The following ZNF215 variants were observed in gnomAD, a reference collection of about 807,000 sequenced individuals.
ZNF215 encodes the protein BWSCR2-associated zinc finger protein 2.
ZNF215 carries 24 observed loss-of-function variants against 27.2 expected under a neutral mutation model. The ratio of observed to expected loss-of-function variants is 0.88; its 90% CI spans 0.64 to 1.24. The LOEUF (loss-of-function observed/expected upper bound fraction) is 1.24. ZNF215 is among the 50% of genes most tolerant of loss of function. The pLI, the probability that ZNF215 is intolerant of heterozygous loss-of-function variation, is 0.00. For synonymous variants in ZNF215, 210 were observed against 204.0 expected, an observed-to-expected ratio of 1.03 and a Z score of -0.25; for missense variants, 675 against 605.7, an observed-to-expected ratio of 1.11 and a Z score of -1.20.
chr11:6,983,329 A>G (rs902744863), intron 5 of ZNF215, among the ~76,000 whole-genome samples: 16 of 152,128 alleles, frequency 1.1e-4, no homozygotes, highest in African/African-American at 3.6e-4. Flanking sequence ...TACCAGAGGT[A>G]CAAGGAGGAA....
In ZNF215 at chr11:6,941,865, C is replaced by A. The variant is rs543225433; in HGVS notation, c.483+212C>A. Among the ~76,000 whole-genome samples the A allele has an allele frequency of 3.3e-5, 5 of 152,236 alleles. No individual in the cohort carries two copies. In the South Asian group the frequency reaches 1.0e-3, roughly 32 times the overall value. On this transcript the variant is annotated intron_variant, in intron 4 of 6. Transcript: ENST00000278319. ...ATCTGTTCCGTCAATAATATAGTTTCTATTTTATCTGTAGACACTATAGAT... is the reference window on the plus strand; with the variant it reads ...ATCTGTTCCGTCAATAATATAGTTTATATTTTATCTGTAGACACTATAGAT...
At chr11:6,993,067 CTTT>C (rs2133367748), downstream of ZNF215, among the ~76,000 whole-genome samples, 1 of 152,292 alleles carries the variant, frequency 6.6e-6, no homozygotes, top group South Asian at 2.1e-4. Flanking sequence ...CCACAGAAAA[CTTT>C]TTAAAAACAA....
intron 6 of ZNF215, among the ~76,000 whole-genome samples, chr11:6,947,912 C>T (rs79563740): frequency 3.9e-5 from 6 of 152,288 alleles, no homozygotes; most frequent in African/African-American, 1.4e-4. Flanking sequence ...TCTTATGGGC[C>T]AGAGCACCTG....
chr11:6,967,486 A>C (rs1366257925), intron 5 of ZNF215, among the ~76,000 whole-genome samples: 4 of 152,142 alleles, frequency 2.6e-5, no homozygotes, highest in African/African-American at 9.7e-5. Context: ...TGACTTTTTA[A>C]TGATTGCCAT....
chr11:6,991,115 C>G (rs1457293684), downstream of ZNF215, among the ~76,000 whole-genome samples: 1 of 152,192 alleles, frequency 6.6e-6, no homozygotes, highest in African/African-American at 2.4e-5. Flanking sequence ...TTCATCAACA[C>G]CCTGACTTTA....
At chr11:6,955,435 T>C (rs2239733) in intron 6 of ZNF215, among the ~76,000 whole-genome samples, 37,319 of 152,090 alleles carry the variant, frequency 0.25, 5,042 homozygotes, top group African/African-American at 0.36. Flanking sequence ...TCCTTGTTCA[T>C]GTAAAGATAT....
intron 5 of ZNF215, among the ~76,000 whole-genome samples, chr11:6,976,951 T>C (rs1423441985): frequency 6.6e-6 from 1 of 152,050 alleles, no homozygotes; most frequent in Non-Finnish European, 1.5e-5. Flanking sequence ...GTGCTGTCTC[T>C]AGAAGGTCTG....
intron 5 of ZNF215, among the ~76,000 whole-genome samples, chr11:6,970,551 G>A (rs113008333): frequency 1.6e-4 from 24 of 152,244 alleles, no homozygotes; most frequent in South Asian, 4.1e-4. Context: ...GTTTACGGGC[G>A]AAGTAATGCC....
At chr11:6,932,887 A>G (rs775532605) in intron 3 of ZNF215, among the ~76,000 whole-genome samples, 5 of 152,238 alleles carry the variant, frequency 3.3e-5, no homozygotes, top group Non-Finnish European at 7.3e-5. Flanking sequence ...TTTGCCAGTT[A>G]AAAATATTAT....
Position 6,932,260 on chromosome 11 carries a change from T to A in ZNF215, c.-13T>A. The A allele has an allele frequency of 6.2e-7, 1 of 1,609,684 alleles. No homozygotes were observed. The highest frequency in any genetic ancestry group is 1.3e-5 in the African/African-American group (1 of 74,730). On this transcript the variant is annotated 5_prime_UTR_variant, in exon 3 of 7. Transcript: ENST00000278319. ...GGCGGATTTGAACTACTGTGGGAGT[T>A]CTATTTAGGAAGATGCAGCCTCTGA...
At chr11:6,991,540 C>T (rs374695170), downstream of ZNF215, among the ~76,000 whole-genome samples, 50 of 152,368 alleles carry the variant, frequency 3.3e-4, no homozygotes, top group East Asian at 3.5e-3. Flanking sequence ...CCTACACACC[C>T]GCAACTGCTT....
chr11:6,950,556 T>A (rs1590064156), intron 6 of ZNF215, among the ~76,000 whole-genome samples: 2 of 151,856 alleles, frequency 1.3e-5, no homozygotes, highest in South Asian at 4.2e-4. Flanking sequence ...TGTATAAGAA[T>A]GCTTGTGATT....
At chr11:6,976,388 A>G (rs7948618) in intron 5 of ZNF215, among the ~76,000 whole-genome samples, 98,984 of 151,898 alleles carry the variant, frequency 0.65, 32,314 homozygotes, top group South Asian at 0.79. Context: ...TATGATGAAA[A>G]TAAGGGCACA....
downstream of ZNF215, among the ~76,000 whole-genome samples, chr11:6,992,044 G>A (rs769188770): frequency 7.2e-5 from 11 of 152,152 alleles, no homozygotes; most frequent in Non-Finnish European, 1.5e-4. Flanking sequence ...TTCATGAAGG[G>A]CTGGAAGTTT....
chr11:6,983,606 T>A (rs1851005072), intron 5 of ZNF215, among the ~76,000 whole-genome samples: 1 of 152,146 alleles, frequency 6.6e-6, no homozygotes, highest in South Asian at 2.1e-4. Context: ...ATATGAGAAC[T>A]AAAATAATTT....
At chr11:6,935,550 C>T (rs984997959) in intron 3 of ZNF215, among the ~76,000 whole-genome samples, 2 of 151,914 alleles carry the variant, frequency 1.3e-5, no homozygotes, top group Non-Finnish European at 2.9e-5. Flanking sequence ...ATAACTACAA[C>T]AGTTAGAGCC....
At chr11:6,949,914 G>T (rs1849985146) in intron 6 of ZNF215, among the ~76,000 whole-genome samples, 1 of 152,196 alleles carries the variant, frequency 6.6e-6, no homozygotes, top group East Asian at 1.9e-4. Context: ...TTTGTATAAG[G>T]TGTAAGGAAG....
intron 5 of ZNF215, among the ~76,000 whole-genome samples, chr11:6,974,911 C>T (rs559343011): frequency 2.6e-5 from 4 of 151,958 alleles, no homozygotes; most frequent in Admixed American, 6.6e-5. Context: ...TTGCCCTGGC[C>T]GGAACTTCCA....
chr11:6,944,737 C>T (rs1262575511), intron 6 of ZNF215, among the ~76,000 whole-genome samples: 2 of 151,918 alleles, frequency 1.3e-5, no homozygotes, highest in Non-Finnish European at 2.9e-5. Context: ...AATGTTTTAT[C>T]TCTGTGGTTT....
Sources: gnomAD v4.1 joint callset for allele counts (sites outside exome capture counted in the v4.1 genomes callset) on GRCh38, gnomAD v4.1.1 for gene constraint, MANE v1.5 for transcripts, NCBI Gene and HGNC (gene_info 2026-07-23, HGNC 2026-07-21) for gene names.